Variants in KLHL17 observed in about 807,000 individuals in gnomAD.
KLHL17 encodes kelch-like protein 17.
In KLHL17, 71 loss-of-function variants were observed where a neutral mutation model predicts 64.6. The ratio of observed to expected loss-of-function variants is 1.10; its 90% confidence interval spans 0.91 to 1.34. KLHL17 has a LOEUF of 1.34. Among genes scored for constraint, KLHL17 ranks in the 40% most tolerant of loss-of-function variants. KLHL17 has a pLI of 0.00. For synonymous variants in KLHL17, 612 were observed against 405.4 expected (o/e 1.51, Z -6.12); for missense variants, 1,140 against 935.0 (o/e 1.22, Z -2.86).
Position 961,311 on chromosome 1 carries a change from G to GCGGC in KLHL17, c.128_131dup (p.Arg45AlafsTer81). 6.6e-7 allele frequency: 1 copy of GCGGC among 1,522,286 alleles called. No individual in the cohort carries two copies. The highest frequency in any genetic ancestry group is 8.8e-7 in the Non-Finnish European group (1 of 1,141,676). 94.3% of individuals were successfully genotyped at this position (1,522,286 alleles called of 1,614,324 possible). A position where few individuals can be genotyped will look rare whatever the true frequency, so the allele number is the denominator to read the frequency against. On this transcript the variant is annotated frameshift_variant, in exon 2 of 12. Coordinates refer to ENST00000338591, the MANE Select transcript of KLHL17 (RefSeq NM_198317.3). LOFTEE classifies it high-confidence loss of function. Reference sequence around the variant, plus strand: ...CCTGCAGCCCCGAGGCAGAGCGCACGCGGCCCCGGCAGGCTCGGCCCGCAG... The same window carrying GCGGC: ...CCTGCAGCCCCGAGGCAGAGCGCACGCGGCCGGCCCCGGCAGGCTCGGCCCGCAG...
At position 964,399 on chromosome 1, in the gene KLHL17, G is replaced by A. The variant is rs745847258; in HGVS notation, c.1569G>A (p.Ala523=). ...VASMLSRRSS[A]GVAVLEGALY... is the part of the protein sequence containing the mutation. ...CCATGCTGAGCCGACGCAGCTCAGC[G>A]GGCGTGGCCGTGCTGGAGGGTGCCC... is the stretch of plus-strand genomic sequence containing the variant. The change falls in exon 11 of 12, where the codon GCG becomes GCA. Residue 523 remains alanine, a synonymous_variant. Transcript: ENST00000338591. 4.0e-5 allele frequency: 63 copies of A among 1,556,786 alleles called. No homozygotes were observed. Among genetic ancestry groups the A allele is most frequent in the Middle Eastern group, 3.3e-4 (2 of 6,006 alleles).
chr1:962,164 C>G, intron 4 of KLHL17, 117 bp downstream of exon 4: 1 of 1,273,552 alleles, frequency 7.9e-7, no homozygotes, highest in Non-Finnish European at 1.1e-6. Flanking sequence ...TTAGTGCCTG[C>G]TGTGTGTCCC....
intron 8 of KLHL17, 159 bp from the exon 9 acceptor site, chr1:963,761 G>A (rs1390595675): frequency 3.3e-6 from 3 of 921,044 alleles, no homozygotes; most frequent in South Asian, 1.5e-5. Flanking sequence ...AGGCAGCCAG[G>A]GTCCTGTGCC....
Position 961,384 on chromosome 1 carries a change from G to A in KLHL17, c.199G>A (p.Val67Met). ...GCTGCTGAGCCGCGAGGGCCACAGC[G>A]TGGCCCACAACTCCAAGCGGCACTA... is the stretch of plus-strand genomic sequence containing the variant. ...VQLLSREGHS[V>M]AHNSKRHYHD... The change falls in exon 2 of 12, where the codon GTG (valine) becomes ATG (methionine). Residue 67 changes from valine (V) to methionine (M), a missense_variant. Coordinates refer to ENST00000338591, the MANE Select transcript of KLHL17 (RefSeq NM_198317.3). 3 of 1,605,648 alleles carry A rather than the reference G, an allele frequency of 1.9e-6. No individual in the cohort carries two copies. Among genetic ancestry groups the A allele is most frequent in the African/African-American group, 1.3e-5 (1 of 74,958 alleles).
rs924997094 is a variant in KLHL17 at position 965,332 on chromosome 1, TTTATC to T, written c.*146_*150del. On this transcript the variant is annotated 3_prime_UTR_variant, in exon 12 of 12. Transcript: ENST00000338591. ...ATTTAGTTGTTTATTTATTTAGTTA[TTTATC>T]TTATTTATTGAGGGGTGAGGAGTGC... 8.7e-6 allele frequency: 6 copies of T among 688,910 alleles called. No individual in the cohort carries two copies. The African/African-American group carries it at 9.1e-5, about 10-fold the overall frequency. The allele number at this position is 688,910 out of a possible 1,614,324, so 42.7% of individuals were successfully genotyped here.
rs895104790 is a variant in KLHL17, at chr1:965,341, T to G, written c.*150T>G. ...TTTATTTATTTAGTTATTTATCTTA[T>G]TTATTGAGGGGTGAGGAGTGCCACG... On this transcript the variant is annotated 3_prime_UTR_variant, in exon 12 of 12. Coordinates refer to ENST00000338591, the MANE Select transcript of KLHL17 (RefSeq NM_198317.3). The G allele has an allele frequency of 6.4e-6, 1 of 155,586 alleles. No homozygotes were observed. The highest frequency in any genetic ancestry group is 2.3e-5 in the African/African-American group (1 of 43,600). The allele number at this position is 155,586 out of a possible 1,614,324, so 9.6% of individuals were successfully genotyped here.
chr1:961,148 G>T (rs913528642), intron 1 of KLHL17, 145 bp from the exon 2 acceptor site: 6 of 462,632 alleles, frequency 1.3e-5, no homozygotes, highest in African/African-American at 4.2e-5. Context: ...CGGGGCGGGG[G>T]TCCTTGGCGG....
rs759482935 is a variant in KLHL17 at position 963,364 on chromosome 1, C to T, written c.1215C>T (p.Thr405=). Reference sequence around the variant, plus strand: ...ATGATGGGACCTCAGACCTGGCTACCGTGGAGTCCTACGACCCCGTGACTA... The same window carrying T: ...ATGATGGGACCTCAGACCTGGCTACTGTGGAGTCCTACGACCCCGTGACTA... ...GGYDGTSDLA[T]VESYDPVTNT... The change falls in exon 8 of 12, where the codon ACC becomes ACT. Residue 405 remains threonine (T), a synonymous_variant. Transcript: ENST00000338591. 19 of 1,611,644 alleles carry T rather than the reference C, an allele frequency of 1.2e-5. No individual in the cohort carries two copies. Among genetic ancestry groups the T allele is most frequent in the Non-Finnish European group, 1.1e-5 (13 of 1,179,116 alleles).
Position 963,471 on chromosome 1 carries a change from C to T in KLHL17, c.1322C>T (p.Ala441Val). 2 of 1,610,494 alleles carry T rather than the reference C, an allele frequency of 1.2e-6. No individual in the cohort carries two copies. Among genetic ancestry groups the T allele is most frequent in the East Asian group, 2.2e-5 (1 of 44,792 alleles). Residue 441 changes from alanine to valine, a missense_variant, in exon 8 of 12, where the codon GCC becomes GTC. By Grantham distance (64) the Ala-to-Val change is moderately conservative (BLOSUM62 0). Coordinates refer to ENST00000338591, the MANE Select transcript of KLHL17 (RefSeq NM_198317.3). Reference sequence around the variant, plus strand: ...GCCTTGCATGGACTCCTGTACTCGGCCGGCGGCTATGACGGGGCCTCCTGC... The same window carrying T: ...GCCTTGCATGGACTCCTGTACTCGGTCGGCGGCTATGACGGGGCCTCCTGC... ...VAALHGLLYS[A>V]GGYDGASCLN...
At chr1:960,829 G>C (rs1157905586) in intron 1 of KLHL17, 29 bp downstream of exon 1, 1 of 988,912 alleles carries the variant, frequency 1.0e-6, no homozygotes, top group Middle Eastern at 5.1e-4. Flanking sequence ...GGGCGCGGGG[G>C]GCGGCCTCGG....
chr1:961,261 G>C (rs775756223), intron 1 of KLHL17, 32 bp from the exon 2 acceptor site: 1 of 1,361,522 alleles, frequency 7.3e-7, no homozygotes, highest in South Asian at 1.8e-5. Context: ...CGGCTCCAGC[G>C]GGGCGAAGCC....
chr1:961,230 A>T, intron 1 of KLHL17, 63 bp from the exon 2 acceptor site: 2 of 1,203,556 alleles, frequency 1.7e-6, no homozygotes, highest in South Asian at 7.4e-5. Context: ...CGGGCCCCCC[A>T]GCGGCTCCAG....
chr1:962,495 C>G (rs769314409), intron 5 of KLHL17, 24 bp downstream of exon 5: 28 of 1,610,166 alleles, frequency 1.7e-5, no homozygotes, highest in Non-Finnish European at 2.4e-5. Context: ...GCGGGGGGCT[C>G]CCACAGCATC....
In KLHL17 at chr1:963,375, A is replaced by G. The variant is rs1392709016; in HGVS notation, c.1226A>G (p.Tyr409Cys). Residue 409 changes from tyrosine (Y) to cysteine (C), a missense_variant, in exon 8 of 12, where the codon TAC (tyrosine) becomes TGC (cysteine). Transcript: ENST00000338591. ...GTSDLATVES[Y>C]DPVTNTWQPE... ...TCAGACCTGGCTACCGTGGAGTCCTACGACCCCGTGACTAACACGTGGCAG... is the reference window on the plus strand; with the variant it reads ...TCAGACCTGGCTACCGTGGAGTCCTGCGACCCCGTGACTAACACGTGGCAG... The G allele has an allele frequency of 6.2e-7, 1 of 1,612,428 alleles. No homozygotes were observed. Among genetic ancestry groups the G allele is most frequent in the Non-Finnish European group, 8.5e-7 (1 of 1,179,740 alleles).
At chr1:962,091 C>T (rs1358377427) in intron 4 of KLHL17, 44 bp downstream of exon 4, 2 of 1,514,578 alleles carry the variant, frequency 1.3e-6, no homozygotes, top group Admixed American at 1.9e-5. Context: ...CCCCACCCCA[C>T]CCCAGTCTTT....
In KLHL17 at chr1:963,107, A is replaced by T. The variant is rs1356609499; in HGVS notation, c.1043-2A>T. On this transcript the variant is annotated splice_acceptor_variant, in intron 6 of 11. Transcript: ENST00000338591. LOFTEE classifies it high-confidence loss of function. ...AGTCCCGTCTCCACCTGCCCTCCCC[A>T]GGCGGCGGGAGCCTGTTTGCCATCC... The T allele has an allele frequency of 6.2e-7, 1 of 1,611,228 alleles. No individual in the cohort carries two copies. Among genetic ancestry groups the T allele is most frequent in the Non-Finnish European group, 8.5e-7 (1 of 1,179,248 alleles).
In KLHL17 at chr1:960,708, C is replaced by T. The variant is rs1252233500; in HGVS notation, c.15C>T (p.Ser5=). Reference sequence around the variant, plus strand: ...CCGGCAGCCGAATGCAGCCCCGCAGCGAGCGCCCGGCCGGCAGGACGCAGA... The same window carrying T: ...CCGGCAGCCGAATGCAGCCCCGCAGTGAGCGCCCGGCCGGCAGGACGCAGA... The part of the protein sequence containing the change: MQPR[S]ERPAGRTQSP... Residue 5 remains serine (S), a synonymous_variant, in exon 1 of 12, where the codon AGC becomes AGT. Transcript: ENST00000338591. 3.0e-6 allele frequency: 4 copies of T among 1,352,134 alleles called. No homozygotes were observed. The highest frequency in any genetic ancestry group is 3.8e-6 in the Non-Finnish European group (4 of 1,044,210). The allele number at this position is 1,352,134 out of a possible 1,614,324, so 83.8% of individuals were successfully genotyped here.
chr1:963,905 T>G lies in KLHL17; in HGVS notation c.1356-15T>G. The G allele has an allele frequency of 6.2e-7, 1 of 1,611,550 alleles. No individual in the cohort carries two copies. Among genetic ancestry groups the G allele is most frequent in the South Asian group, 1.1e-5 (1 of 91,052 alleles). ...TGTCTCTGCTGAGCTGTGGCTGCGG[T>G]CCTGGTGCCCACAGTGCTGAACGCT... On this transcript the variant is annotated splice_polypyrimidine_tract_variant and intron_variant, in intron 8 of 11. Transcript: ENST00000338591.
In KLHL17 at chr1:965,352, G is replaced by A. The variant is rs764145419; in HGVS notation, c.*161G>A. On this transcript the variant is annotated 3_prime_UTR_variant, in exon 12 of 12. Transcript: ENST00000338591. ...AGTTATTTATCTTATTTATTGAGGG[G>A]TGAGGAGTGCCACGGCTGCCCGTTT... 3.8e-5 allele frequency: 25 copies of A among 659,594 alleles called. No individual in the cohort carries two copies. The highest frequency in any genetic ancestry group is 1.2e-4 in the South Asian group (6 of 50,350). 40.9% of individuals were successfully genotyped at this position (659,594 alleles called of 1,614,324 possible).
Sources: gnomAD v4.1 joint callset for allele counts on GRCh38, gnomAD v4.1.1 for gene constraint, MANE v1.5 for transcripts, NCBI Gene and HGNC (gene_info 2026-07-23, HGNC 2026-07-21) for gene names.